The following NCAPD2 variants were observed in gnomAD, a reference collection of about 807,000 sequenced individuals.
NCAPD2 encodes non-SMC condensin I complex subunit D2, also known as condensin complex subunit 1.
A neutral mutation model predicts 164.5 loss-of-function variants in NCAPD2; 100 were observed. That is an observed-to-expected ratio of 0.61 (90% CI 0.52 to 0.72). The LOEUF is 0.72. Among genes scored for constraint, NCAPD2 ranks in the 30% least tolerant of loss-of-function variants. The probability of loss-of-function intolerance (pLI) is 0.00; values close to 1 mark genes in which losing one functional copy is unlikely to be tolerated. For synonymous variants in NCAPD2, 585 were observed against 642.6 expected, an observed-to-expected ratio of 0.91 and a Z score of 1.36; for missense variants, 1,560 against 1,749.2, an observed-to-expected ratio of 0.89 and a Z score of 1.93.
chr12:6,499,205 T>A (rs1400647375), intron 2 of NCAPD2, among the ~76,000 whole-genome samples: 3 of 151,996 alleles, frequency 2.0e-5, no homozygotes, highest in African/African-American at 7.2e-5. Context: ...GAATATTTCT[T>A]TCTTTCTTTC....
At chr12:6,504,313 A>G (rs1032506171) in intron 2 of NCAPD2, among the ~76,000 whole-genome samples, 1 of 150,490 alleles carries the variant, frequency 6.6e-6, no homozygotes, top group Non-Finnish European at 1.5e-5. Flanking sequence ...TGCATATGTA[A>G]GTTTTGACTG....
Position 6,522,038 on chromosome 12 carries a change from G to A in NCAPD2, c.1954+1G>A, listed in dbSNP as rs149296057. The A allele has an allele frequency of 4.9e-4, 790 of 1,613,432 alleles. No individual in the cohort carries two copies. Among genetic ancestry groups the A allele is most frequent in the Non-Finnish European group, 6.3e-4 (745 of 1,179,528 alleles). ...ATGATGTATGAAAACACAACTACAG[G>A]TATGCCAGAGTCCCTTTCTATAAGG... On this transcript the variant is annotated splice_donor_variant, in intron 15 of 31. Transcript: ENST00000315579. LOFTEE classifies it high-confidence loss of function.
rs537119663 is a variant in NCAPD2 at position 6,516,861 on chromosome 12, A to G, written c.1021A>G (p.Met341Val). ...YMMRNAVLAA[M>V]AEMVLQVLSG... is the part of the protein sequence containing the mutation. ...GATGCGTAATGCTGTGCTGGCAGCCATGGCGGAGATGGTGCTGCAGGTTCT... is the reference window on the plus strand; with the variant it reads ...GATGCGTAATGCTGTGCTGGCAGCCGTGGCGGAGATGGTGCTGCAGGTTCT... The change falls in exon 10 of 32, where the codon ATG becomes GTG. Residue 341 changes from methionine (M) to valine (V), a missense_variant. By Grantham distance (21) the Met-to-Val change is conservative (BLOSUM62 1). Coordinates refer to ENST00000315579, the MANE Select transcript of NCAPD2 (RefSeq NM_014865.4). The G allele has an allele frequency of 6.2e-6, 10 of 1,614,174 alleles. No homozygotes were observed. Among genetic ancestry groups the G allele is most frequent in the East Asian group, 4.5e-5 (2 of 44,886 alleles).
Position 6,517,926 on chromosome 12 carries a change from G to A in NCAPD2, c.1556G>A (p.Arg519His), listed in dbSNP as rs1374542456. Residue 519 changes from arginine to histidine, a missense_variant, in exon 13 of 32, where the codon CGC becomes CAC. Arg to His is a conservative substitution (Grantham distance 29). Transcript: ENST00000315579. The part of the protein sequence containing the change: ...NTETTEDVKG[R>H]IYQLLAKASY... Reference sequence around the variant, plus strand: ...GAGACAACTGAAGATGTGAAAGGACGCATCTATCAACTGCTTGCCAAAGCT... The same window carrying A: ...GAGACAACTGAAGATGTGAAAGGACACATCTATCAACTGCTTGCCAAAGCT... The A allele has an allele frequency of 5.0e-6, 8 of 1,613,868 alleles. No individual in the cohort carries two copies. The highest frequency in any genetic ancestry group is 3.3e-5 in the South Asian group (3 of 91,070).
At position 6,529,082 on chromosome 12, in the gene NCAPD2, G is replaced by A. The variant is rs370752812; in HGVS notation, c.3572+43G>A. 1,993 of 1,551,880 alleles carry A rather than the reference G, an allele frequency of 1.3e-3. 33 individuals carry two copies. The South Asian group carries it at 0.021, about 16-fold the overall frequency. The stretch of plus-strand genomic sequence containing the variant: ...CTGGGGCACATTTTCCACATAGCAC[G>A]GGCTTAGGAATCAGACACACCTGTA... On this transcript the variant is annotated intron_variant, in intron 27 of 31. Coordinates refer to ENST00000315579, the MANE Select transcript of NCAPD2 (RefSeq NM_014865.4).
rs1468379650 is a variant in NCAPD2 at position 6,529,948 on chromosome 12, C to G, written c.3827C>G (p.Pro1276Arg). 6.2e-7 allele frequency: 1 copy of G among 1,613,340 alleles called. No individual in the cohort carries two copies. The highest frequency in any genetic ancestry group is 8.5e-7 in the Non-Finnish European group (1 of 1,179,474). ...GGCAAGCTGCGACGTGGGGCCAAGC[C>G]TGAGGGCAAGGTGAGCAGCACAGGA... ...VVGKLRRGAKPEGKAIIDEFE... is the reference protein window; with the variant it reads ...VVGKLRRGAKREGKAIIDEFE... The change falls in exon 29 of 32, where the codon CCT becomes CGT. Residue 1276 changes from proline to arginine, a missense_variant. By Grantham distance (103) the Pro-to-Arg change is moderately radical. Transcript: ENST00000315579.
chr12:6,511,943 C>G (rs1315858709), intron 6 of NCAPD2, among the ~76,000 whole-genome samples: 1 of 149,744 alleles, frequency 6.7e-6, no homozygotes, highest in African/African-American at 2.5e-5. Flanking sequence ...GAGATCGCAC[C>G]ATTGCACTCC....
chr12:6,515,374 G>A (rs79937347), intron 9 of NCAPD2, among the ~76,000 whole-genome samples: 2,799 of 151,964 alleles, frequency 0.018, 96 homozygotes, highest in African/African-American at 0.064. Flanking sequence ...TTGTAGAGGT[G>A]GGGTCTTGCC....
intron 9 of NCAPD2, 44 bp downstream of exon 9, chr12:6,514,964 T>C: frequency 6.2e-7 from 1 of 1,609,112 alleles, no homozygotes; most frequent in South Asian, 1.1e-5. Context: ...CTGGGGATTT[T>C]AAGTCCAGTG....
intron 2 of NCAPD2, among the ~76,000 whole-genome samples, chr12:6,495,638 C>G (rs984833337): frequency 1.3e-5 from 2 of 152,060 alleles, no homozygotes; most frequent in East Asian, 3.9e-4. Context: ...GGACAAAAAC[C>G]CATAATATAT....
chr12:6,507,386 A>G (rs1946108036), intron 2 of NCAPD2, among the ~76,000 whole-genome samples: 1 of 152,240 alleles, frequency 6.6e-6, no homozygotes, highest in Non-Finnish European at 1.5e-5. Flanking sequence ...ATCCTAAGGA[A>G]AATGAACATT....
At position 6,513,715 on chromosome 12, in the gene NCAPD2, C is replaced by T. The variant is rs202142807; in HGVS notation, c.588-550C>T. The stretch of plus-strand genomic sequence containing the variant: ...AATGAGAAGTCATTGGTGACTTTGT[C>T]TTTTTTTTTTTTTTTTTTGTGATGG... On this transcript the variant is annotated intron_variant, in intron 6 of 31. Transcript: ENST00000315579. 6.0e-3 allele frequency among the ~76,000 whole-genome samples: 447 copies of T among 74,806 alleles called. 1 individual carries two copies. The highest frequency in any genetic ancestry group is 7.0e-3 in the African/African-American group (118 of 16,944). 49.1% of individuals were successfully genotyped at this position (74,806 alleles called of 152,430 possible).
chr12:6,521,005 C>G lies in NCAPD2; in HGVS notation c.1609C>G (p.Arg537Gly), dbSNP rs770092608. 1.9e-6 allele frequency: 3 copies of G among 1,613,898 alleles called. No individual in the cohort carries two copies. The highest frequency in any genetic ancestry group is 2.2e-5 in the East Asian group (1 of 44,900). Residue 537 changes from arginine (R) to glycine (G), a missense_variant, in exon 14 of 32, where the codon CGA becomes GGA. By Grantham distance (125) the Arg-to-Gly change is moderately radical. Coordinates refer to ENST00000315579, the MANE Select transcript of NCAPD2 (RefSeq NM_014865.4). Reference protein sequence around the residue: ...ASYKKAIILTREATGHFQESE... With the variant: ...ASYKKAIILTGEATGHFQESE... ...TTTCAGAAAGGCCATCATTCTCACTCGAGAAGCCACAGGCCACTTCCAGGA... is the reference window on the plus strand; with the variant it reads ...TTTCAGAAAGGCCATCATTCTCACTGGAGAAGCCACAGGCCACTTCCAGGA...
At position 6,529,558 on chromosome 12, in the gene NCAPD2, G is replaced by A; in HGVS notation, c.3618G>A (p.Leu1206=). The A allele has an allele frequency of 6.2e-7, 1 of 1,614,166 alleles. No individual in the cohort carries two copies. Among genetic ancestry groups the A allele is most frequent in the Non-Finnish European group, 8.5e-7 (1 of 1,180,022 alleles). Residue 1206 remains leucine (L), a synonymous_variant, in exon 28 of 32, where the codon CTG becomes CTA. Transcript: ENST00000315579. ...YITKDKQTES[L]VEKLCQRFRT... is the part of the protein sequence containing the mutation. ...CCAAGGACAAGCAGACAGAGAGCCT[G>A]GTGGAAAAGCTGTGTCAGCGGTTCC...
At chr12:6,513,112 G>C (rs1946166501) in intron 6 of NCAPD2, among the ~76,000 whole-genome samples, 1 of 152,220 alleles carries the variant, frequency 6.6e-6, no homozygotes, top group African/African-American at 2.4e-5. Context: ...GTTCAGGAGA[G>C]AGGTCTGAGC....
chr12:6,516,230 G>A (rs551633176), intron 9 of NCAPD2, among the ~76,000 whole-genome samples: 13 of 151,448 alleles, frequency 8.6e-5, no homozygotes, highest in Admixed American at 3.3e-4. Context: ...ACAGACGGGC[G>A]CGGTGGCTCA....
intron 2 of NCAPD2, among the ~76,000 whole-genome samples, chr12:6,504,226 T>TATATAC (rs1946077028): frequency 1.5e-5 from 1 of 65,142 alleles, no homozygotes; most frequent in African/African-American, 4.9e-5. Context: ...TAGATATAGA[T>TATATAC]ATATATATAT....
In NCAPD2 at chr12:6,528,151, A is replaced by G. The variant is rs757073719; in HGVS notation, c.3144-22A>G. On this transcript the variant is annotated intron_variant, in intron 24 of 31. Coordinates refer to ENST00000315579, the MANE Select transcript of NCAPD2 (RefSeq NM_014865.4). The surrounding 1 kb of genome is among the most constrained non-coding windows in gnomAD (Gnocchi z 5.1). ...AGATGGGGATGAAATGGCTTCCCTA[A>G]TGATCCTCTTCTTGCTCTTAGTGCC... The G allele has an allele frequency of 1.2e-5, 20 of 1,614,026 alleles. No individual in the cohort carries two copies. The highest frequency in any genetic ancestry group is 3.3e-5 in the Admixed American group (2 of 60,008).
intron 2 of NCAPD2, among the ~76,000 whole-genome samples, chr12:6,498,763 G>A (rs530963696): frequency 1.4e-5 from 2 of 147,542 alleles, no homozygotes; most frequent in African/African-American, 2.5e-5. Flanking sequence ...GTGAGCCACC[G>A]CACCCAGCTA....
Sources: gnomAD v4.1 joint callset for allele counts (sites outside exome capture counted in the v4.1 genomes callset) on GRCh38, gnomAD v4.1.1 for gene constraint, Gnocchi (gnomAD v3.1) non-coding constraint, MANE v1.5 for transcripts, NCBI Gene and HGNC (gene_info 2026-07-23, HGNC 2026-07-21) for gene names.